The following OCA2 variants were observed in gnomAD, a reference collection of about 807,000 sequenced individuals.
The protein encoded by OCA2 is OCA2 melanosomal transmembrane protein.
Under a neutral mutation model 100.2 loss-of-function variants are expected in OCA2, and 77 were observed. The ratio of observed to expected loss-of-function variants is 0.77; its 90% CI spans 0.64 to 0.93. The LOEUF is 0.93. Among genes scored for constraint, OCA2 ranks in the 40% least tolerant of loss-of-function variants. The pLI, the probability that OCA2 is intolerant of heterozygous loss-of-function variation, is 0.00. For synonymous variants in OCA2, 432 were observed against 439.2 expected, an observed-to-expected ratio of 0.98 and a Z score of 0.21; for missense variants, 1,062 against 1,089.1, an observed-to-expected ratio of 0.98 and a Z score of 0.35.
At chr15:28,044,727 G>A (rs2043299137) in intron 2 of OCA2, among the ~76,000 whole-genome samples, 1 of 152,068 alleles carries the variant, frequency 6.6e-6, no homozygotes, top group Admixed American at 6.6e-5. Flanking sequence ...TTATGTCCTT[G>A]GGATCAATTG....
At chr15:27,722,731 CTTTCTTTCTTCTTTCTTCTTCT>C in the OCA2 span, among the ~76,000 whole-genome samples, 11 of 40,526 alleles carry the variant, frequency 2.7e-4, no homozygotes, top group Non-Finnish European at 8.3e-4. Flanking sequence ...TTTCTTCTTT[CTTTCTTTCTTCTTTCTTCTTCT>C]TTCCTTCCTT....
intron 23 of OCA2, among the ~76,000 whole-genome samples, chr15:27,783,868 G>A (rs2032669875): frequency 6.6e-6 from 1 of 152,200 alleles, no homozygotes; most frequent in South Asian, 2.1e-4. Flanking sequence ...CACTGTCCAG[G>A]ACGTCCTTAT....
intron 9 of OCA2, among the ~76,000 whole-genome samples, chr15:28,009,871 C>CA (rs2042193920): frequency 6.6e-6 from 1 of 151,984 alleles, no homozygotes; most frequent in Non-Finnish European, 1.5e-5. Flanking sequence ...ATCTATGGGT[C>CA]AAAGTGGAAG....
chr15:27,776,226 TATACCCTTC>T (rs1265330614), intron 23 of OCA2, among the ~76,000 whole-genome samples: 1 of 152,218 alleles, frequency 6.6e-6, no homozygotes, highest in Non-Finnish European at 1.5e-5. Flanking sequence ...CATGCAGATA[TATACCCTTC>T]TCAGTGGCAG....
intron 2 of OCA2, among the ~76,000 whole-genome samples, chr15:28,057,734 C>A (rs2043745965): frequency 6.6e-6 from 1 of 152,266 alleles, no homozygotes; most frequent in Admixed American, 6.5e-5. Flanking sequence ...GCCTCCTGGG[C>A]ACAAGCCCTC....
At chr15:27,737,951 C>A in the OCA2 span, among the ~76,000 whole-genome samples, 2 of 152,122 alleles carry the variant, frequency 1.3e-5, no homozygotes, top group Non-Finnish European at 2.9e-5. Context: ...AAATGCACAT[C>A]GAAACTGTCT....
chr15:27,835,742 G>A (rs55807342), intron 23 of OCA2, among the ~76,000 whole-genome samples: 23,404 of 152,102 alleles, frequency 0.15, 2,672 homozygotes, highest in East Asian at 0.53. Context: ...CATCACCCCC[G>A]TCAGTGTGAG....
intron 2 of OCA2, among the ~76,000 whole-genome samples, chr15:28,072,589 CAAAAAA>C (rs760224063): frequency 1.7e-5 from 1 of 60,072 alleles, no homozygotes; most frequent in Non-Finnish European, 3.9e-5. Context: ...GATTCCGTCT[CAAAAAA>C]AAAAAAAAAA....
At chr15:27,756,190 G>T (rs189576993) in intron 23 of OCA2, among the ~76,000 whole-genome samples, 83 of 152,336 alleles carry the variant, frequency 5.4e-4, no homozygotes, top group African/African-American at 1.9e-3. Flanking sequence ...AGTGCTGCCT[G>T]GTCACTAAGG....
chr15:28,073,938 A>C (rs183339498), intron 2 of OCA2, among the ~76,000 whole-genome samples: 4 of 152,116 alleles, frequency 2.6e-5, no homozygotes, highest in African/African-American at 9.6e-5. Context: ...TTACGATGGA[A>C]TAGGTCTATA....
chr15:27,909,991 A>G (rs2038324480), intron 19 of OCA2, among the ~76,000 whole-genome samples: 1 of 152,224 alleles, frequency 6.6e-6, no homozygotes, highest in South Asian at 2.1e-4. Context: ...TATCCCTAAT[A>G]AATAAAGAAC....
At chr15:27,854,898 G>T (rs970615040) in intron 21 of OCA2, among the ~76,000 whole-genome samples, 42 of 152,268 alleles carry the variant, frequency 2.8e-4, no homozygotes, top group African/African-American at 1.0e-3. Context: ...CCTTGTGGGG[G>T]CATTGCAGTA....
At chr15:27,869,666 G>A (rs114634777) in intron 21 of OCA2, among the ~76,000 whole-genome samples, 2,635 of 152,328 alleles carry the variant, frequency 0.017, 79 homozygotes, top group African/African-American at 0.06. Flanking sequence ...GTTCAGCTGT[G>A]AGCGCAGGGT....
the OCA2 span, among the ~76,000 whole-genome samples, chr15:27,746,872 GTCT>G: frequency 6.6e-6 from 1 of 152,298 alleles, no homozygotes; most frequent in South Asian, 2.1e-4. Context: ...TTGGCCTACA[GTCT>G]GGTGGGATCA....
At chr15:28,034,931 C>T (rs79644213) in intron 2 of OCA2, among the ~76,000 whole-genome samples, 3,030 of 152,166 alleles carry the variant, frequency 0.02, 55 homozygotes, top group African/African-American at 0.049. Context: ...AACCCTCTGA[C>T]GAGAGGGTCA....
intron 22 of OCA2, among the ~76,000 whole-genome samples, chr15:27,845,643 T>C (rs2035502481): frequency 6.6e-6 from 1 of 151,816 alleles, no homozygotes; most frequent in African/African-American, 2.4e-5. Flanking sequence ...GCCACTTGGG[T>C]CATGAGATCC....
chr15:27,771,584 G>A (rs2031870394), intron 23 of OCA2, among the ~76,000 whole-genome samples: 1 of 152,202 alleles, frequency 6.6e-6, no homozygotes, highest in African/African-American at 2.4e-5. Context: ...ATGGCAAAGA[G>A]AGGAGAATGG....
At chr15:27,916,157 C>T (rs764582829) in intron 19 of OCA2, among the ~76,000 whole-genome samples, 2 of 152,092 alleles carry the variant, frequency 1.3e-5, no homozygotes, top group Non-Finnish European at 2.9e-5. Context: ...TACACATGGA[C>T]ACAAAGAAGG....
chr15:27,872,752 C>T (rs1416657160), intron 19 of OCA2, among the ~76,000 whole-genome samples: 2 of 151,094 alleles, frequency 1.3e-5, no homozygotes, highest in Admixed American at 6.6e-5. Context: ...TGCAGTGGCA[C>T]GATCTCGGTT....
Sources: gnomAD v4.1 joint callset for allele counts (sites outside exome capture counted in the v4.1 genomes callset) on GRCh38, gnomAD v4.1.1 for gene constraint, MANE v1.5 for transcripts, NCBI Gene and HGNC (gene_info 2026-07-23, HGNC 2026-07-21) for gene names.